SMO: variants seen among roughly 807,000 people sequenced by gnomAD.
SMO encodes protein smoothened.
SMO carries 40 observed loss-of-function variants against 81.6 expected under a neutral mutation model. The ratio of observed to expected loss-of-function variants is 0.49; its 90% confidence interval spans 0.38 to 0.64. The LOEUF (loss-of-function observed/expected upper bound fraction) is 0.64, where lower values mean the gene tolerates loss of function less well. Among genes scored for constraint, SMO ranks in the 30% least tolerant of loss-of-function variants. The pLI, the probability that SMO is intolerant of heterozygous loss-of-function variation, is 0.00. For synonymous variants in SMO, 434 were observed against 432.1 expected, an observed-to-expected ratio of 1.00 and a Z score of -0.05; for missense variants, 916 against 1,061.1, an observed-to-expected ratio of 0.86 and a Z score of 1.90.
intron 1 of SMO, among the ~76,000 whole-genome samples, chr7:129,193,631 T>C (rs569121737): frequency 3.4e-5 from 5 of 149,218 alleles, no homozygotes; most frequent in Non-Finnish European, 6.0e-5. Context: ...TGGTGGCGGG[T>C]GCCTGTAGTC....
chr7:129,205,876 T>G (rs1793757615), intron 4 of SMO, 94 bp downstream of exon 4: 2 of 1,176,654 alleles, frequency 1.7e-6, no homozygotes, highest in Non-Finnish European at 1.2e-6. Flanking sequence ...AAAACCGAGA[T>G]CCAGGGCAGG....
In SMO at chr7:129,206,612, A is replaced by G. The variant is rs766301154; in HGVS notation, c.1264+25A>G. The G allele has an allele frequency of 5.8e-5, 94 of 1,612,242 alleles. No individual in the cohort carries two copies. The highest frequency in any genetic ancestry group is 7.5e-5 in the Non-Finnish European group (89 of 1,178,862). ...GGTGAGTGAAGACCAGGCCAGGACC[A>G]GTTGGGCAACAAAATATACTGGGCA... is the stretch of plus-strand genomic sequence containing the variant. On this transcript the variant is annotated intron_variant, in intron 6 of 11. Coordinates refer to ENST00000249373, the MANE Select transcript of SMO (RefSeq NM_005631.5). This position sits in a 1 kb window ranked among gnomAD's most constrained non-coding sequence, Gnocchi z 4.4.
chr7:129,195,787 A>G (rs1480837515), intron 1 of SMO, among the ~76,000 whole-genome samples: 1 of 152,096 alleles, frequency 6.6e-6, no homozygotes, highest in Non-Finnish European at 1.5e-5. Context: ...ACTTGTGACA[A>G]CGCCACAGGT....
intron 2 of SMO, among the ~76,000 whole-genome samples, chr7:129,204,867 G>A (rs563401054): frequency 4.7e-5 from 7 of 149,736 alleles, no homozygotes; most frequent in East Asian, 2.0e-4. Context: ...AAATTTAGCC[G>A]GGTGTGGTGG....
At chr7:129,209,122 C>G (rs927086453) in intron 7 of SMO, 167 bp from the exon 8 acceptor site, 2 of 614,504 alleles carry the variant, frequency 3.3e-6, no homozygotes, top group African/African-American at 3.7e-5. Context: ...TTCAAGTGCC[C>G]TTCTTATTTT....
intron 2 of SMO, among the ~76,000 whole-genome samples, chr7:129,204,937 G>C (rs1793738288): frequency 6.6e-6 from 1 of 152,062 alleles, no homozygotes. Flanking sequence ...CCGGGAGGCA[G>C]AGGTTGCAGT....
rs951113636 is a variant in SMO at position 129,210,583 on chromosome 7, G to A, written c.1652+35G>A. ...GCAGCCAGCCCCTCCTGCCCTGCCC[G>A]CCTCACCCTCAGCCTTGGGACCCCA... On this transcript the variant is annotated intron_variant, in intron 9 of 11. Transcript: ENST00000249373. The surrounding 1 kb of genome is among the most constrained non-coding windows in gnomAD (Gnocchi z 4.7). The A allele has an allele frequency of 5.2e-6, 8 of 1,540,040 alleles. No individual in the cohort carries two copies. The highest frequency in any genetic ancestry group is 1.1e-5 in the South Asian group (1 of 89,418).
rs1483335070 is a variant in SMO at position 129,189,443 on chromosome 7, TC to T, written c.295del (p.Gln99ArgfsTer23). 3 of 1,538,448 alleles carry T rather than the reference TC, an allele frequency of 2.0e-6. No homozygotes were observed. Among genetic ancestry groups the T allele is most frequent in the Non-Finnish European group, 2.6e-6 (3 of 1,146,800 alleles). The stretch of plus-strand genomic sequence containing the variant: ...CACACTGCTGGCCGGAGACTCGGAC[TC>T]CCAGGAGGAAGCGCACGGCAAGCTC... ...TSTLLAGDSDSQEEAHGKLVL... is the reference protein window; with the variant it reads ...TSTLLAGDSDXQEEAHGKLVL... On this transcript the variant is annotated frameshift_variant, in exon 1 of 12. Coordinates refer to ENST00000249373, the MANE Select transcript of SMO (RefSeq NM_005631.5). LOFTEE classifies it high-confidence loss of function. The surrounding 1 kb of genome is among the most constrained non-coding windows in gnomAD (Gnocchi z 4.7).
chr7:129,196,886 G>A (rs373261628), intron 1 of SMO, among the ~76,000 whole-genome samples: 13 of 151,864 alleles, frequency 8.6e-5, no homozygotes, highest in Middle Eastern at 6.8e-3. Flanking sequence ...GCATGGTGGC[G>A]GGCGCCTGTA....
At chr7:129,198,201 C>T (rs937879333) in intron 1 of SMO, among the ~76,000 whole-genome samples, 1 of 152,158 alleles carries the variant, frequency 6.6e-6, no homozygotes, top group Non-Finnish European at 1.5e-5. Context: ...ATCCACCCAC[C>T]TTGGGCCTCC....
chr7:129,212,308 C>G lies in SMO; in HGVS notation c.2221C>G (p.Pro741Ala), dbSNP rs1793888563. The part of the protein sequence containing the change: ...TLVSNPFCPE[P>A]SPPQDPFLPS... ...GGTCTCCAACCCATTCTGCCCAGAGCCCAGTCCCCCTCAGGATCCATTTCT... is the reference window on the plus strand; with the variant it reads ...GGTCTCCAACCCATTCTGCCCAGAGGCCAGTCCCCCTCAGGATCCATTTCT... Residue 741 changes from proline (P) to alanine (A), a missense_variant, in exon 12 of 12, where the codon CCC becomes GCC. Pro to Ala is a conservative substitution (Grantham distance 27). This residue lies in a region of SMO where 324 missense variants were observed against 312.9 expected (regional missense o/e 1.04). Coordinates refer to ENST00000249373, the MANE Select transcript of SMO (RefSeq NM_005631.5). The surrounding 1 kb of genome is among the most constrained non-coding windows in gnomAD (Gnocchi z 5.0). 6.2e-7 allele frequency: 1 copy of G among 1,614,142 alleles called. No individual in the cohort carries two copies. The highest frequency in any genetic ancestry group is 2.2e-5 in the East Asian group (1 of 44,886).
intron 1 of SMO, among the ~76,000 whole-genome samples, chr7:129,193,317 G>A (rs987668464): frequency 1.3e-5 from 2 of 152,128 alleles, no homozygotes; most frequent in African/African-American, 4.8e-5. Context: ...ACAAAGGCTG[G>A]GAGGAATTTC....
chr7:129,206,574 C>A lies in SMO; in HGVS notation c.1251C>A (p.Tyr417Ter), dbSNP rs1167385575. 1.9e-6 allele frequency: 3 copies of A among 1,614,084 alleles called. No homozygotes were observed. The highest frequency in any genetic ancestry group is 1.7e-5 in the Admixed American group (1 of 60,008). ...GCCTGGTGCTCATCGTGGGAGGCTA[C>A]TTCCTCATCCGAGGTGAGTGAAGAC... ...PIGLVLIVGGYFLIRGVMTLF... is the reference protein window; with the variant it reads ...PIGLVLIVGG The change falls in exon 6 of 12, where the codon TAC becomes TAA. Residue 417 changes from tyrosine to a stop codon, truncating the protein, a stop_gained. Transcript: ENST00000249373. LOFTEE classifies it high-confidence loss of function. The surrounding 1 kb of genome is among the most constrained non-coding windows in gnomAD (Gnocchi z 4.4).
chr7:129,211,396 G>A lies in SMO; in HGVS notation c.1802-240G>A. 1 of 711,050 alleles carries A rather than the reference G, an allele frequency of 1.4e-6. No homozygotes were observed. Among genetic ancestry groups the A allele is most frequent in the Non-Finnish European group, 2.5e-6 (1 of 394,142 alleles). The allele number at this position is 711,050 out of a possible 1,614,324, so 44.0% of individuals were successfully genotyped here. ...TAAATTCTCCAGTTGCTCTCCCTGG[G>A]CAAGAGTAAGTCAGGGTTCCAAGAA... On this transcript the variant is annotated intron_variant, in intron 10 of 11. Coordinates refer to ENST00000249373, the MANE Select transcript of SMO (RefSeq NM_005631.5). The surrounding 1 kb of genome is among the most constrained non-coding windows in gnomAD (Gnocchi z 4.6).
chr7:129,211,698 G>A lies in SMO; in HGVS notation c.1864G>A (p.Val622Ile), dbSNP rs1186047164. Residue 622 changes from valine to isoleucine, a missense_variant, in exon 11 of 12, where the codon GTC becomes ATC. Val to Ile is a conservative substitution (Grantham distance 29). This residue lies in a region of SMO where 324 missense variants were observed against 312.9 expected (regional missense o/e 1.04). Coordinates refer to ENST00000249373, the MANE Select transcript of SMO (RefSeq NM_005631.5). This position sits in a 1 kb window ranked among gnomAD's most constrained non-coding sequence, Gnocchi z 4.6. ...TGTCTCCTCTGCCTGGGCCCAGCAT[G>A]TCACCAAGATGGTGGCTCGGAGAGG... ...ADVSSAWAQHVTKMVARRGAI... is the reference protein window; with the variant it reads ...ADVSSAWAQHITKMVARRGAI... 1 of 1,613,838 alleles carries A rather than the reference G, an allele frequency of 6.2e-7. No individual in the cohort carries two copies. Among genetic ancestry groups the A allele is most frequent in the Non-Finnish European group, 8.5e-7 (1 of 1,179,984 alleles).
chr7:129,203,216 G>A (rs1265673506), intron 1 of SMO, among the ~76,000 whole-genome samples, 168 bp from the exon 2 acceptor site: 1 of 152,188 alleles, frequency 6.6e-6, no homozygotes, highest in African/African-American at 2.4e-5. Flanking sequence ...ACAGTCCTAT[G>A]GTATAAAGAA....
At chr7:129,197,491 G>A (rs1584656515) in intron 1 of SMO, among the ~76,000 whole-genome samples, 1 of 151,996 alleles carries the variant, frequency 6.6e-6, no homozygotes, top group African/African-American at 2.4e-5. Flanking sequence ...GCAGTGATGC[G>A]ATCTCAGCTC....
chr7:129,207,424 G>A (rs1489633043), intron 6 of SMO, among the ~76,000 whole-genome samples: 3 of 152,138 alleles, frequency 2.0e-5, no homozygotes, highest in Admixed American at 2.0e-4. Context: ...GTAAGCCTCA[G>A]CATCTATTTA....
chr7:129,193,788 ATATAT>A (rs1563145759), intron 1 of SMO, among the ~76,000 whole-genome samples: 12 of 52,954 alleles, frequency 2.3e-4, no homozygotes, highest in Non-Finnish European at 3.2e-4. Context: ...AAAAAAAAAT[ATATAT>A]ATATATATAT....
Sources: allele counts gnomAD v4.1 joint callset (sites outside exome capture counted in the v4.1 genomes callset), GRCh38; gene constraint gnomAD v4.1.1; regional missense constraint gnomAD v4.1.1; non-coding constraint Gnocchi (gnomAD v3.1); transcripts MANE v1.5; gene names NCBI Gene and HGNC (gene_info 2026-07-23, HGNC 2026-07-21).